The following SLC15A1 variants were observed in gnomAD, a reference collection of about 807,000 sequenced individuals.
SLC15A1 encodes the protein Caco-2 oligopeptide transporter.
Under a neutral mutation model 92.9 loss-of-function variants are expected in SLC15A1, and 83 were observed. That is an observed-to-expected ratio of 0.89 (90% confidence interval 0.75 to 1.07). The LOEUF (loss-of-function observed/expected upper bound fraction) is 1.07, where lower values mean the gene tolerates loss of function less well. Ranked by LOEUF, SLC15A1 falls within the 50% of genes least tolerant of loss-of-function variation. The probability of loss-of-function intolerance (pLI) is 0.00; values close to 1 mark genes in which losing one functional copy is unlikely to be tolerated. For missense variants in SLC15A1, 857 were observed against 880.1 expected, an observed-to-expected ratio of 0.97 and a Z score of 0.33; for synonymous variants, 322 against 318.2, an observed-to-expected ratio of 1.01 and a Z score of -0.13.
In SLC15A1 at chr13:98,684,880, C is replaced by T. The variant is rs1327483698; in HGVS notation, c.1971G>A (p.Leu657=). 6.2e-7 allele frequency: 1 copy of T among 1,613,932 alleles called. No individual in the cohort carries two copies. Among genetic ancestry groups the T allele is most frequent in the East Asian group, 2.2e-5 (1 of 44,888 alleles). The change falls in exon 23 of 23, where the codon CTG becomes CTA. Residue 657 remains leucine (L), a synonymous_variant. Transcript: ENST00000376503. ...TGATGGCAAAAATTACACAGACGAC[C>T]AGAAGCAACGCGGCAAATAGAATGT... ...AEYILFAALL[L]VVCVIFAIMA... is the part of the protein sequence containing the mutation.
chr13:98,704,989 G>C (rs376705050), intron 16 of SLC15A1, among the ~76,000 whole-genome samples: 49 of 151,918 alleles, frequency 3.2e-4, no homozygotes, highest in African/African-American at 1.2e-3. Flanking sequence ...TCTTGAGGAC[G>C]GGAGTTTGAG....
intron 14 of SLC15A1, among the ~76,000 whole-genome samples, chr13:98,709,110 G>A (rs2088139315): frequency 6.6e-6 from 1 of 151,876 alleles, no homozygotes; most frequent in Admixed American, 6.6e-5. Context: ...TGGGATTACA[G>A]GTGAGTGCCA....
intron 1 of SLC15A1, among the ~76,000 whole-genome samples, chr13:98,738,937 T>C (rs1198896112): frequency 6.6e-6 from 1 of 152,268 alleles, no homozygotes; most frequent in African/African-American, 2.4e-5. Flanking sequence ...GAGCAACCTC[T>C]GGAGCTGAAC....
Position 98,684,877 on chromosome 13 carries a change from G to A in SLC15A1, c.1974C>T (p.Val658=), listed in dbSNP as rs773775385. The change falls in exon 23 of 23, where the codon GTC becomes GTT. Residue 658 remains valine (V), a synonymous_variant. Coordinates refer to ENST00000376503, the MANE Select transcript of SLC15A1 (RefSeq NM_005073.4). The part of the protein sequence containing the change: ...EYILFAALLL[V]VCVIFAIMAR... Reference sequence around the variant, plus strand: ...CCATGATGGCAAAAATTACACAGACGACCAGAAGCAACGCGGCAAATAGAA... The same window carrying A: ...CCATGATGGCAAAAATTACACAGACAACCAGAAGCAACGCGGCAAATAGAA... The A allele has an allele frequency of 9.9e-6, 16 of 1,613,984 alleles. No homozygotes were observed. The highest frequency in any genetic ancestry group is 1.1e-5 in the Non-Finnish European group (13 of 1,179,932).
chr13:98,708,464 A>G (rs1210995620), intron 15 of SLC15A1, among the ~76,000 whole-genome samples: 2 of 152,130 alleles, frequency 1.3e-5, no homozygotes, highest in South Asian at 2.1e-4. Flanking sequence ...TAAAAACTGT[A>G]TTATAAATGC....
intron 1 of SLC15A1, among the ~76,000 whole-genome samples, chr13:98,744,636 C>T (rs1234613589): frequency 6.6e-6 from 1 of 150,702 alleles, no homozygotes; most frequent in African/African-American, 2.4e-5. Context: ...GTAATCCCAG[C>T]TACTCGGGAG....
chr13:98,698,880 G>C (rs1266916171), intron 18 of SLC15A1, among the ~76,000 whole-genome samples: 1 of 152,132 alleles, frequency 6.6e-6, no homozygotes, highest in African/African-American at 2.4e-5. Context: ...AATTATCAAA[G>C]TTGTAGCTAC....
intron 1 of SLC15A1, among the ~76,000 whole-genome samples, chr13:98,750,901 G>T (rs59519363): frequency 0.029 from 4,341 of 152,020 alleles, 106 homozygotes; most frequent in African/African-American, 0.071. Flanking sequence ...ACAGGCACCC[G>T]CCACTATGCC....
Position 98,709,664 on chromosome 13 carries a change from C to T in SLC15A1, c.979-4G>A. 1 of 1,614,138 alleles carries T rather than the reference C, an allele frequency of 6.2e-7. No homozygotes were observed. The highest frequency in any genetic ancestry group is 8.5e-7 in the Non-Finnish European group (1 of 1,180,036). On this transcript the variant is annotated splice_region_variant and splice_polypyrimidine_tract_variant and intron_variant, in intron 13 of 22. Transcript: ENST00000376503. ...CGATCAGGATGGCGTTCACGGTCTG[C>T]AGAGGAAGTGGAGGAGAAATGTTAA...
At chr13:98,752,508 T>G (rs990892342) in intron 1 of SLC15A1, 87 bp downstream of exon 1, 3 of 1,201,176 alleles carry the variant, frequency 2.5e-6, no homozygotes, top group Middle Eastern at 3.1e-4. Flanking sequence ...CCGCGTACCC[T>G]TCGCGCCTCC....
chr13:98,731,578 A>G (rs1334424261), intron 1 of SLC15A1, among the ~76,000 whole-genome samples: 1 of 151,952 alleles, frequency 6.6e-6, no homozygotes, highest in African/African-American at 2.4e-5. Context: ...AAATCACCCA[A>G]ATCCAGCAGA....
chr13:98,691,762 T>C (rs2087979291), intron 18 of SLC15A1, among the ~76,000 whole-genome samples: 1 of 152,196 alleles, frequency 6.6e-6, no homozygotes, highest in South Asian at 2.1e-4. Flanking sequence ...AACCTCTGTA[T>C]TATAACCTCC....
intron 4 of SLC15A1, among the ~76,000 whole-genome samples, chr13:98,725,345 C>A (rs1037397851): frequency 2.6e-5 from 4 of 152,112 alleles, no homozygotes; most frequent in African/African-American, 9.7e-5. Flanking sequence ...TTCATTAAGT[C>A]CCAGGAAAAC....
At chr13:98,708,967 CT>C (rs61087152) in intron 14 of SLC15A1, among the ~76,000 whole-genome samples, 200 bp from the exon 15 acceptor site, 53,050 of 126,334 alleles carry the variant, frequency 0.42, 10,090 homozygotes, top group Non-Finnish European at 0.5. Flanking sequence ...TGCATATTTA[CT>C]TTTTTTTTTT....
At chr13:98,724,198 CA>C (rs1194711817) in intron 4 of SLC15A1, among the ~76,000 whole-genome samples, 167 bp from the exon 5 acceptor site, 5 of 152,120 alleles carry the variant, frequency 3.3e-5, no homozygotes, top group Non-Finnish European at 7.4e-5. Context: ...CTCACATGGG[CA>C]AAAAGAATAG....
Position 98,704,373 on chromosome 13 carries a change from T to A in SLC15A1, c.1332A>T (p.Gly444=), listed in dbSNP as rs769988592. 10 of 1,613,900 alleles carry A rather than the reference T, an allele frequency of 6.2e-6. No homozygotes were observed. The highest frequency in any genetic ancestry group is 4.2e-6 in the Non-Finnish European group (5 of 1,179,952). Residue 444 remains glycine, a synonymous_variant, in exon 17 of 23, where the codon GGA becomes GGT. Transcript: ENST00000376503. ...KLTRINISSP[G]SPVTAVTDDF... is the part of the protein sequence containing the mutation. ...CGTCAGTTACAGCAGTGACTGGTGA[T>A]CCAGGAGAAGAAATGTTTATCCTTG...
intron 21 of SLC15A1, 37 bp downstream of exon 21, chr13:98,687,544 T>A (rs767728070): frequency 6.9e-6 from 11 of 1,605,688 alleles, no homozygotes; most frequent in Non-Finnish European, 9.4e-6. Context: ...CAGGCAGGGG[T>A]ATTGCAGATG....
intron 18 of SLC15A1, among the ~76,000 whole-genome samples, chr13:98,688,971 G>A (rs532965287): frequency 1.3e-5 from 2 of 152,200 alleles, no homozygotes; most frequent in African/African-American, 2.4e-5. Context: ...ATGGAGTCTC[G>A]CTCTGTCACC....
At chr13:98,732,596 G>A (rs1257055980) in intron 1 of SLC15A1, among the ~76,000 whole-genome samples, 5 of 152,186 alleles carry the variant, frequency 3.3e-5, no homozygotes, top group Admixed American at 1.3e-4. Flanking sequence ...ATTTCAGGAT[G>A]GAAACTCTAA....
Sources: gnomAD v4.1 joint callset for allele counts (sites outside exome capture counted in the v4.1 genomes callset) on GRCh38, gnomAD v4.1.1 for gene constraint, MANE v1.5 for transcripts, NCBI Gene and HGNC (gene_info 2026-07-23, HGNC 2026-07-21) for gene names.